The following CHD2 variants were observed in gnomAD, a reference collection of about 807,000 sequenced individuals.
CHD2 encodes chromodomain helicase DNA binding protein 2, also known as ATP-dependent chromatin remodeler CHD2.
CHD2 carries 28 observed loss-of-function variants against 243.9 expected under a neutral mutation model. That is an observed-to-expected ratio of 0.11 (90% CI 0.09 to 0.16). The LOEUF is 0.16. Ranked by LOEUF, CHD2 falls within the 10% of genes least tolerant of loss-of-function variation. The pLI is 1.00. For missense variants in CHD2, 1,386 were observed against 2,209.8 expected, an observed-to-expected ratio of 0.63 and a Z score of 7.47; for synonymous variants, 775 against 779.0, an observed-to-expected ratio of 0.99 and a Z score of 0.09.
At chr15:92,988,245 C>CTAAT (rs1477952706) in intron 26 of CHD2, among the ~76,000 whole-genome samples, 1 of 151,944 alleles carries the variant, frequency 6.6e-6, no homozygotes, top group Non-Finnish European at 1.5e-5. Context: ...ACCACGCTGG[C>CTAAT]TAATTATTTT....
At chr15:92,985,074 G>T (rs2054025156) in intron 25 of CHD2, among the ~76,000 whole-genome samples, 1 of 152,106 alleles carries the variant, frequency 6.6e-6, no homozygotes. Flanking sequence ...GGTAACACTA[G>T]CTACCATTTA....
intron 6 of CHD2, 148 bp downstream of exon 6, chr15:92,937,773 G>A (rs1307149293): frequency 6.8e-6 from 4 of 587,476 alleles, no homozygotes; most frequent in Admixed American, 3.5e-5. Context: ...CTTTCAGCCA[G>A]CCTACATTGC....
chr15:92,940,219 C>T (rs535621536), intron 7 of CHD2, among the ~76,000 whole-genome samples: 61 of 152,152 alleles, frequency 4.0e-4, no homozygotes, highest in Admixed American at 5.9e-4. Flanking sequence ...TTTGGGAGGC[C>T]GAGGCAGGCA....
chr15:92,969,715 C>T (rs2053814809), intron 17 of CHD2, among the ~76,000 whole-genome samples: 1 of 152,106 alleles, frequency 6.6e-6, no homozygotes. Context: ...TACTAAAAAT[C>T]TCACTTCCCA....
chr15:92,909,121 AAAAG>A, intron 2 of CHD2, among the ~76,000 whole-genome samples: 1 of 152,168 alleles, frequency 6.6e-6, no homozygotes, highest in African/African-American at 2.4e-5. Flanking sequence ...CAAAAAAAAA[AAAAG>A]AAAAAAGATA....
intron 5 of CHD2, among the ~76,000 whole-genome samples, chr15:92,935,706 CCTTT>C (rs1333255566): frequency 6.6e-6 from 1 of 152,162 alleles, no homozygotes; most frequent in Non-Finnish European, 1.5e-5. Flanking sequence ...TAAACATCTT[CCTTT>C]CTTCCTTCCT....
chr15:92,970,835 A>G lies in CHD2; in HGVS notation c.2190-930A>G, dbSNP rs572377626. On this transcript the variant is annotated intron_variant, in intron 17 of 38. Coordinates refer to ENST00000394196, the MANE Select transcript of CHD2 (RefSeq NM_001271.4). ...TTCTGGAGTGAAGACCTTGAGATAG[A>G]TTCCTAAAGTGTGATTTCTAAGAGA... Among the ~76,000 whole-genome samples, 11 of 152,286 alleles carry G rather than the reference A, an allele frequency of 7.2e-5. No homozygotes were observed. In the South Asian group the frequency reaches 2.1e-3, roughly 29 times the overall value.
At chr15:92,901,340 G>T (rs996619975) in intron 2 of CHD2, 41 bp downstream of exon 2, 7 of 1,209,268 alleles carry the variant, frequency 5.8e-6, no homozygotes, top group Middle Eastern at 1.9e-4. Context: ...CTTTTTTTTT[G>T]GGGGAGAAAC....
chr15:92,991,395 G>A, intron 26 of CHD2, 81 bp from the exon 27 acceptor site: 2 of 1,047,406 alleles, frequency 1.9e-6, no homozygotes, highest in Non-Finnish European at 2.9e-6. Flanking sequence ...TGGCTCATAT[G>A]TCATCACAGG....
Position 92,943,027 on chromosome 15 carries a change from A to G in CHD2, c.1011A>G (p.Lys337=), listed in dbSNP as rs567050970. ...AACAGAAAGTGAAGGGCCTAAAAAA[A>G]CTAGAGAACTTCAAGAAAAAAGAGG... ...LQQQKVKGLK[K]LENFKKKEDE... The change falls in exon 9 of 39, where the codon AAA becomes AAG. Residue 337 remains lysine, a synonymous_variant. Transcript: ENST00000394196. 7.4e-6 allele frequency: 12 copies of G among 1,614,070 alleles called. 1 individual carries two copies. The South Asian group carries it at 1.1e-4, about 15-fold the overall frequency.
chr15:92,940,490 A>G (rs2053342849), intron 7 of CHD2, among the ~76,000 whole-genome samples: 1 of 152,100 alleles, frequency 6.6e-6, no homozygotes, highest in African/African-American at 2.4e-5. Flanking sequence ...ATATATGCAA[A>G]CACTAGTAGT....
chr15:92,919,764 T>C (rs183666350), intron 2 of CHD2, among the ~76,000 whole-genome samples: 10 of 152,332 alleles, frequency 6.6e-5, no homozygotes, highest in Admixed American at 2.0e-4. Flanking sequence ...TTGCCGCCCT[T>C]GGTTTGGATT....
Position 92,989,025 on chromosome 15 carries a change from C to CTTT in CHD2, c.3414-2430_3414-2428dup, listed in dbSNP as rs34298248. Among the ~76,000 whole-genome samples, 209 of 76,510 alleles carry CTTT rather than the reference C, an allele frequency of 2.7e-3. 6 individuals are homozygous for CTTT. Among genetic ancestry groups the CTTT allele is most frequent in the African/African-American group, 9.2e-3 (181 of 19,704 alleles). The allele number at this position is 76,510 out of a possible 152,430, so 50.2% of individuals were successfully genotyped here. On this transcript the variant is annotated intron_variant, in intron 26 of 38. Coordinates refer to ENST00000394196, the MANE Select transcript of CHD2 (RefSeq NM_001271.4). ...TCCTATGTATACTTCATACTTCATACTTTTTTTTTTTTTTTTTTTTTTTGA... is the reference window on the plus strand; with the variant it reads ...TCCTATGTATACTTCATACTTCATACTTTTTTTTTTTTTTTTTTTTTTTTTTGA...
chr15:92,953,658 T>A, intron 14 of CHD2, 85 bp downstream of exon 14: 1 of 1,276,432 alleles, frequency 7.8e-7, no homozygotes, highest in Non-Finnish European at 1.1e-6. Context: ...AGATCATCAG[T>A]AAAATTTGTG....
chr15:93,011,549 G>A (rs1004676408), intron 35 of CHD2, among the ~76,000 whole-genome samples: 23 of 152,160 alleles, frequency 1.5e-4, no homozygotes, highest in African/African-American at 5.6e-4. Flanking sequence ...TTCACCTGAT[G>A]CAGCAGGCTT....
In CHD2 at chr15:92,948,832, C is replaced by T. The variant is rs1268284726; in HGVS notation, c.1378-120C>T. ...CCAGCCTGGGTGACAGAGCAAGACT[C>T]CGTCTCAAAAAAAGAAATTTGAGTT... is the stretch of plus-strand genomic sequence containing the variant. On this transcript the variant is annotated intron_variant, in intron 12 of 38. Coordinates refer to ENST00000394196, the MANE Select transcript of CHD2 (RefSeq NM_001271.4). 12 of 1,124,520 alleles carry T rather than the reference C, an allele frequency of 1.1e-5. 1 individual carries two copies. Among genetic ancestry groups the T allele is most frequent in the Non-Finnish European group, 3.8e-6 (3 of 786,562 alleles). The allele number at this position is 1,124,520 out of a possible 1,614,324, so 69.7% of individuals were successfully genotyped here.
At position 93,017,492 on chromosome 15, in the gene CHD2, A is replaced by ATTT. The variant is rs760713016; in HGVS notation, c.4907-2495_4907-2493dup. On this transcript the variant is annotated intron_variant, in intron 37 of 38. Coordinates refer to ENST00000394196, the MANE Select transcript of CHD2 (RefSeq NM_001271.4). ...AGGCACACACCACCATGCCGGGCTA[A>ATTT]TTTTTTTTTTTTTTTTTTTTTTTTT... is the stretch of plus-strand genomic sequence containing the variant. Among the ~76,000 whole-genome samples, 343 of 96,810 alleles carry ATTT rather than the reference A, an allele frequency of 3.5e-3. 20 individuals carry two copies. The highest frequency in any genetic ancestry group is 0.035 in the Admixed American group (269 of 7,788). 63.5% of individuals were successfully genotyped at this position (96,810 alleles called of 152,430 possible).
chr15:92,925,648 C>G (rs1308502815), intron 3 of CHD2, among the ~76,000 whole-genome samples: 6 of 151,276 alleles, frequency 4.0e-5, no homozygotes, highest in South Asian at 2.1e-4. Flanking sequence ...GTAAAGCGCA[C>G]TTTCCCTCCT....
intron 37 of CHD2, among the ~76,000 whole-genome samples, chr15:93,019,162 G>A (rs1406609887): frequency 6.6e-6 from 1 of 152,198 alleles, no homozygotes. Context: ...ATTTTTGTGT[G>A]TGTGTGCAGA....
Sources: allele counts gnomAD v4.1 joint callset (sites outside exome capture counted in the v4.1 genomes callset), GRCh38; gene constraint gnomAD v4.1.1; transcripts MANE v1.5; gene names NCBI Gene and HGNC (gene_info 2026-07-23, HGNC 2026-07-21).